SYT9: variants seen among roughly 807,000 people sequenced by gnomAD.
The protein encoded by SYT9 is synaptotagmin-9.
A neutral mutation model predicts 48.4 loss-of-function variants in SYT9; 22 were observed. That is an observed-to-expected ratio of 0.45 (90% CI 0.32 to 0.65). The LOEUF (loss-of-function observed/expected upper bound fraction) is 0.65, where lower values mean the gene tolerates loss of function less well. SYT9 is among the 30% of genes least tolerant of loss of function. SYT9 has a pLI of 0.03. For synonymous variants in SYT9, 265 were observed against 245.0 expected (o/e 1.08, Z -0.76); for missense variants, 577 against 622.0 (o/e 0.93, Z 0.77).
rs1035341135 is a variant in SYT9, at chr11:7,467,038, A to C, written c.*238A>C. 21 of 545,360 alleles carry C rather than the reference A, an allele frequency of 3.9e-5. No homozygotes were observed. Among genetic ancestry groups the C allele is most frequent in the Non-Finnish European group, 7.0e-5 (21 of 298,972 alleles). 33.8% of individuals were successfully genotyped at this position (545,360 alleles called of 1,614,324 possible). ...TGCAGGGAAGCATGTCTCTCATGCC[A>C]AGAACCAAGATCGGACTATGAACAA... On this transcript the variant is annotated 3_prime_UTR_variant, in exon 7 of 7. Transcript: ENST00000318881.
At position 7,313,911 on chromosome 11, in the gene SYT9, C is replaced by T; in HGVS notation, c.1014C>T (p.Ile338=). The change falls in exon 3 of 7, where the codon ATC becomes ATT. Residue 338 remains isoleucine (I), a synonymous_variant. Coordinates refer to ENST00000318881, the MANE Select transcript of SYT9 (RefSeq NM_175733.4). ...TGGCTGATTTCCCCAGGGAGTGCAT[C>T]CTTTGGAAGGATATCGAATATGTCA... is the stretch of plus-strand genomic sequence containing the variant. ...LDLADFPREC[I]LWKDIEYVTN... The T allele has an allele frequency of 1.2e-6, 2 of 1,613,496 alleles. No homozygotes were observed. The highest frequency in any genetic ancestry group is 4.5e-5 in the East Asian group (2 of 44,870).
Position 7,316,498 on chromosome 11 carries a change from A to G in SYT9, c.1044+2557A>G, listed in dbSNP as rs553863834. Among the ~76,000 whole-genome samples, 76 of 152,322 alleles carry G rather than the reference A, an allele frequency of 5.0e-4. 1 individual carries two copies. The South Asian group carries it at 0.015, about 30-fold the overall frequency. On this transcript the variant is annotated intron_variant, in intron 3 of 6. Coordinates refer to ENST00000318881, the MANE Select transcript of SYT9 (RefSeq NM_175733.4). ...GTGGCTTATGTATCTTCATTGCTAT[A>G]TAATATTCCATTGTATTAATATTAA...
At chr11:7,258,076 G>C (rs1366413800) in intron 1 of SYT9, among the ~76,000 whole-genome samples, 1 of 152,168 alleles carries the variant, frequency 6.6e-6, no homozygotes, top group Admixed American at 6.5e-5. Flanking sequence ...GAGCATAGAT[G>C]TTGCTTTCAC....
rs1351325392 is a variant in SYT9 at position 7,467,185 on chromosome 11, T to C, written c.*385T>C. 5.1e-6 allele frequency: 1 copy of C among 196,850 alleles called. No homozygotes were observed. Among genetic ancestry groups the C allele is most frequent in the Non-Finnish European group, 1.0e-5 (1 of 97,604 alleles). 12.2% of individuals were successfully genotyped at this position (196,850 alleles called of 1,614,324 possible). A position where few individuals can be genotyped will look rare whatever the true frequency, so the allele number is the denominator to read the frequency against. ...ATCGTTATTCCAACATAATATTATT[T>C]TCTAGAATGCCCTGGAAGGACAGAA... is the stretch of plus-strand genomic sequence containing the variant. On this transcript the variant is annotated 3_prime_UTR_variant, in exon 7 of 7. Coordinates refer to ENST00000318881, the MANE Select transcript of SYT9 (RefSeq NM_175733.4).
chr11:7,442,733 A>T lies in SYT9; in HGVS notation c.1467+22098A>T, dbSNP rs867386497. On this transcript the variant is annotated intron_variant, in intron 6 of 6. Coordinates refer to ENST00000318881, the MANE Select transcript of SYT9 (RefSeq NM_175733.4). Reference sequence around the variant, plus strand: ...GACAAGCATCTGTCTCTCAAAGAGCAGTAGGCCTTTCCTAGGGCCTCTGCC... The same window carrying T: ...GACAAGCATCTGTCTCTCAAAGAGCTGTAGGCCTTTCCTAGGGCCTCTGCC... 9.3e-3 allele frequency among the ~76,000 whole-genome samples: 1,417 copies of T among 152,314 alleles called. 18 individuals carry two copies. The highest frequency in any genetic ancestry group is 0.032 in the African/African-American group (1,349 of 41,580).
intron 6 of SYT9, chr11:7,435,498 T>C (rs1252067972): frequency 6.6e-6 from 1 of 152,222 alleles, no homozygotes; most frequent in Non-Finnish European, 1.5e-5. Flanking sequence ...CTGCTGAGTA[T>C]GGACTTCCTC....
chr11:7,348,711 TTTTTTTG>T, intron 3 of SYT9, among the ~76,000 whole-genome samples: 1 of 142,230 alleles, frequency 7.0e-6, no homozygotes, highest in Non-Finnish European at 1.5e-5. Flanking sequence ...TTTTTTTTTT[TTTTTTTG>T]TATTTTCAAA....
chr11:7,300,128 T>C (rs537535645), intron 1 of SYT9, among the ~76,000 whole-genome samples: 2 of 152,326 alleles, frequency 1.3e-5, no homozygotes, highest in East Asian at 3.9e-4. Context: ...CTTTTTTTTT[T>C]TTTCTGTGCC....
At chr11:7,356,687 T>C (rs1344963655) in intron 3 of SYT9, among the ~76,000 whole-genome samples, 1 of 152,244 alleles carries the variant, frequency 6.6e-6, no homozygotes, top group Non-Finnish European at 1.5e-5. Flanking sequence ...CATTTTACAG[T>C]AGATGCAATT....
At chr11:7,288,658 C>G (rs1264430696) in intron 1 of SYT9, among the ~76,000 whole-genome samples, 1 of 150,746 alleles carries the variant, frequency 6.6e-6, no homozygotes, top group East Asian at 1.9e-4. Flanking sequence ...TTCATCTGAG[C>G]CTACTGCATT....
At chr11:7,442,459 C>A (rs1847845725) in intron 6 of SYT9, among the ~76,000 whole-genome samples, 1 of 152,182 alleles carries the variant, frequency 6.6e-6, no homozygotes, top group African/African-American at 2.4e-5. Flanking sequence ...TCCCAGAGAG[C>A]TCAGCACAGG....
intron 3 of SYT9, among the ~76,000 whole-genome samples, chr11:7,355,905 C>T (rs1238660182): frequency 6.6e-6 from 1 of 152,184 alleles, no homozygotes; most frequent in Non-Finnish European, 1.5e-5. Context: ...TGGCCCAGTC[C>T]CTTCCTGATT....
chr11:7,268,882 C>T (rs540084238), intron 1 of SYT9, among the ~76,000 whole-genome samples: 107 of 152,150 alleles, frequency 7.0e-4, no homozygotes, highest in African/African-American at 2.5e-3. Context: ...CATATCCATT[C>T]TCTGTTAATC....
intron 1 of SYT9, among the ~76,000 whole-genome samples, chr11:7,240,786 T>C (rs903717555): frequency 1.3e-5 from 2 of 152,192 alleles, no homozygotes; most frequent in Admixed American, 6.6e-5. Context: ...CTAATTAAGA[T>C]ATACCTCTTC....
At chr11:7,382,178 T>G (rs1850577974) in intron 3 of SYT9, among the ~76,000 whole-genome samples, 1 of 152,220 alleles carries the variant, frequency 6.6e-6, no homozygotes, top group Non-Finnish European at 1.5e-5. Context: ...TATTAGCTTG[T>G]CATAGCAGCC....
intron 3 of SYT9, among the ~76,000 whole-genome samples, chr11:7,338,898 T>G (rs187310046): frequency 6.6e-6 from 1 of 152,306 alleles, no homozygotes; most frequent in East Asian, 1.9e-4. Flanking sequence ...AATATCTTTG[T>G]TAATTTCCTG....
chr11:7,289,577 C>T (rs760616305), intron 1 of SYT9, among the ~76,000 whole-genome samples: 1 of 152,206 alleles, frequency 6.6e-6, no homozygotes. Context: ...GGAAAAACAA[C>T]ACTGCCTGCT....
At chr11:7,462,727 A>G (rs1263732032) in intron 6 of SYT9, among the ~76,000 whole-genome samples, 3 of 152,250 alleles carry the variant, frequency 2.0e-5, no homozygotes, top group African/African-American at 7.2e-5. Context: ...ATTTAACAAT[A>G]TTAAGTACAT....
At chr11:7,242,971 G>A (rs1248879445) in intron 1 of SYT9, among the ~76,000 whole-genome samples, 3 of 152,168 alleles carry the variant, frequency 2.0e-5, no homozygotes, top group East Asian at 3.9e-4. Flanking sequence ...GCTTGAACCC[G>A]GGAGGCGGAG....
Sources: gnomAD v4.1 joint callset for allele counts (sites outside exome capture counted in the v4.1 genomes callset) on GRCh38, gnomAD v4.1.1 for gene constraint, MANE v1.5 for transcripts, NCBI Gene and HGNC (gene_info 2026-07-23, HGNC 2026-07-21) for gene names.